The following TENM3 variants were observed in gnomAD, a reference collection of about 807,000 sequenced individuals.
The protein encoded by TENM3 is teneurin-3.
In TENM3, 63 loss-of-function variants were observed where a neutral mutation model predicts 255.1. That is an observed-to-expected ratio of 0.25 (90% CI 0.20 to 0.30). The LOEUF is 0.30. Ranked by LOEUF, TENM3 falls within the 10% of genes least tolerant of loss-of-function variation. The pLI is 1.00. For missense variants in TENM3, 2,929 were observed against 3,461.1 expected, an observed-to-expected ratio of 0.85 and a Z score of 3.86; for synonymous variants, 1,306 against 1,322.3, an observed-to-expected ratio of 0.99 and a Z score of 0.27.
At chr4:182,454,202 C>A (rs1415930659) in intron 3 of TENM3, among the ~76,000 whole-genome samples, 2 of 152,024 alleles carry the variant, frequency 1.3e-5, no homozygotes, top group Admixed American at 6.6e-5. Flanking sequence ...TGACAGCCAC[C>A]CCTGCTTGTT....
At chr4:181,595,682 C>G in the TENM3 span, among the ~76,000 whole-genome samples, 89 of 152,192 alleles carry the variant, frequency 5.8e-4, no homozygotes, top group African/African-American at 2.0e-3. Flanking sequence ...AGATCTGGGT[C>G]CTGACTTCCT....
the TENM3 span, among the ~76,000 whole-genome samples, chr4:181,771,565 C>A: frequency 6.6e-6 from 1 of 152,230 alleles, no homozygotes; most frequent in African/African-American, 2.4e-5. Context: ...ACAATTCTGT[C>A]TTGTCCTCAG....
chr4:182,361,121 G>A (rs1209277065), intron 3 of TENM3, among the ~76,000 whole-genome samples: 1 of 152,114 alleles, frequency 6.6e-6, no homozygotes, highest in African/African-American at 2.4e-5. Context: ...CCCTTTGTGG[G>A]TAACCCGACC....
At chr4:182,749,417 TTTAG>T (rs543887963) in intron 19 of TENM3, among the ~76,000 whole-genome samples, 192 of 152,328 alleles carry the variant, frequency 1.3e-3, no homozygotes, top group Non-Finnish European at 2.4e-3. Context: ...CAACTCATAC[TTTAG>T]TTAATTATTG....
chr4:182,482,272 C>T (rs1734275078), intron 3 of TENM3, among the ~76,000 whole-genome samples: 1 of 152,064 alleles, frequency 6.6e-6, no homozygotes, highest in Non-Finnish European at 1.5e-5. Flanking sequence ...TAATGCTTTT[C>T]AATTTATGGT....
chr4:181,530,377 A>G, the TENM3 span, among the ~76,000 whole-genome samples: 9 of 152,252 alleles, frequency 5.9e-5, no homozygotes, highest in African/African-American at 2.2e-4. Context: ...GGAGGTGGCC[A>G]GCCTTTCCTA....
rs1024230936 is a variant in TENM3 at position 182,465,230 on chromosome 4, G to A, written c.511+118301G>A. ...ATTACTAAGATCAAACATTAAAATG[G>A]TCAGAATGCTTGTGTCCTCCTAAAA... On this transcript the variant is annotated intron_variant, in intron 3 of 27. Coordinates refer to ENST00000511685, the MANE Select transcript of TENM3 (RefSeq NM_001080477.4). Among the ~76,000 whole-genome samples the A allele has an allele frequency of 2.8e-4, 42 of 152,294 alleles. 1 individual carries two copies. The highest frequency in any genetic ancestry group is 1.0e-3 in the African/African-American group (42 of 41,566).
chr4:181,508,002 A>G, the TENM3 span, among the ~76,000 whole-genome samples: 1 of 152,226 alleles, frequency 6.6e-6, no homozygotes, highest in Non-Finnish European at 1.5e-5. Context: ...TGGTGAGATG[A>G]AAGTCTAATT....
intron 3 of TENM3, among the ~76,000 whole-genome samples, chr4:182,353,450 T>C (rs1765311541): frequency 6.6e-6 from 1 of 152,218 alleles, no homozygotes; most frequent in African/African-American, 2.4e-5. Flanking sequence ...AAACGTAATA[T>C]GTCGGTGGGC....
At chr4:181,668,542 C>A in the TENM3 span, among the ~76,000 whole-genome samples, 8 of 152,088 alleles carry the variant, frequency 5.3e-5, no homozygotes, top group East Asian at 1.5e-3. Context: ...TTGCTTGTGG[C>A]AGCACAACTC....
chr4:182,245,032 A>C (rs1757548451), intron 1 of TENM3, among the ~76,000 whole-genome samples: 1 of 152,216 alleles, frequency 6.6e-6, no homozygotes, highest in Admixed American at 6.5e-5. Context: ...TGTTTTGGGA[A>C]TGAAGCAAAG....
chr4:182,731,204 T>C (rs1043251566), intron 16 of TENM3, 65 bp downstream of exon 16: 2 of 1,545,720 alleles, frequency 1.3e-6, no homozygotes, highest in Non-Finnish European at 1.8e-6. Flanking sequence ...TGCCAGAGAA[T>C]CTTAAAAATA....
the TENM3 span, among the ~76,000 whole-genome samples, chr4:181,841,419 C>T: frequency 1.3e-5 from 2 of 152,028 alleles, no homozygotes; most frequent in African/African-American, 4.8e-5. Context: ...CTCAGGCCTG[C>T]TGAATCAGAA....
At chr4:182,283,061 G>A (rs1027736435) in intron 1 of TENM3, among the ~76,000 whole-genome samples, 1 of 152,054 alleles carries the variant, frequency 6.6e-6, no homozygotes, top group Non-Finnish European at 1.5e-5. Context: ...CCTGGTATTT[G>A]GAAATATTAG....
chr4:181,481,619 G>A, the TENM3 span, among the ~76,000 whole-genome samples: 97 of 152,164 alleles, frequency 6.4e-4, no homozygotes, highest in South Asian at 0.018. Context: ...GTAAAACCAC[G>A]TAAACCAGAA....
chr4:182,090,209 A>G, the TENM3 span, among the ~76,000 whole-genome samples: 1 of 152,222 alleles, frequency 6.6e-6, no homozygotes. Flanking sequence ...TTTTAAAGAC[A>G]GTGAAGAAGT....
chr4:182,014,015 CGTGTATATACGT>C, the TENM3 span, among the ~76,000 whole-genome samples: 78 of 36,108 alleles, frequency 2.2e-3, 2 homozygotes, highest in African/African-American at 2.9e-3. Context: ...CGTATATATA[CGTGTATATACGT>C]ATATACACAT....
At chr4:182,705,497 G>GGA (rs1758209457) in intron 12 of TENM3, among the ~76,000 whole-genome samples, 1 of 152,172 alleles carries the variant, frequency 6.6e-6, no homozygotes, top group Non-Finnish European at 1.5e-5. Context: ...TGTTGACAGC[G>GGA]GAAACAATGT....
At chr4:181,931,438 C>T in the TENM3 span, among the ~76,000 whole-genome samples, 2 of 152,040 alleles carry the variant, frequency 1.3e-5, no homozygotes, top group South Asian at 4.1e-4. Flanking sequence ...GAGTAAAATA[C>T]CTAGGAATAC....
Sources: gnomAD v4.1 joint callset for allele counts (sites outside exome capture counted in the v4.1 genomes callset) on GRCh38, gnomAD v4.1.1 for gene constraint, MANE v1.5 for transcripts, NCBI Gene and HGNC (gene_info 2026-07-23, HGNC 2026-07-21) for gene names.